The following YTHDF2 variants were observed in gnomAD, a reference collection of about 807,000 sequenced individuals.
YTHDF2 encodes YTH domain-containing family protein 2.
YTHDF2 carries 2 observed loss-of-function variants against 50.4 expected under a neutral mutation model. That is an observed-to-expected ratio of 0.04 (90% CI 0.02 to 0.12). YTHDF2 has a LOEUF of 0.12. Ranked by LOEUF, YTHDF2 falls within the 10% of genes least tolerant of loss-of-function variation. The pLI is 1.00. For missense variants in YTHDF2, 483 were observed against 722.6 expected (o/e 0.67, Z 3.80); for synonymous variants, 217 against 255.6 (o/e 0.85, Z 1.44).
At position 28,766,931 on chromosome 1, in the gene YTHDF2, T is replaced by G. The variant is rs551122639; in HGVS notation, c.1717-1998T>G. Reference sequence around the variant, plus strand: ...CACTACAGCCTTGACCTCCTGTGCTTAAGCCATCCTCCCAGCTCACCCCCC... The same window carrying G: ...CACTACAGCCTTGACCTCCTGTGCTGAAGCCATCCTCCCAGCTCACCCCCC... On this transcript the variant is annotated intron_variant, in intron 4 of 4. Transcript: ENST00000373812. Among the ~76,000 whole-genome samples, 4 of 151,564 alleles carry G rather than the reference T, an allele frequency of 2.6e-5. No individual in the cohort carries two copies. In the East Asian group the frequency reaches 5.8e-4, roughly 22 times the overall value.
At chr1:28,740,835 C>T (rs2124627605) in intron 3 of YTHDF2, among the ~76,000 whole-genome samples, 1 of 151,940 alleles carries the variant, frequency 6.6e-6, no homozygotes, top group Non-Finnish European at 1.5e-5. Context: ...TCCCGAGTAG[C>T]TGGGACTACA....
Position 28,737,422 on chromosome 1 carries a change from A to G in YTHDF2, c.28-236A>G, listed in dbSNP as rs562377592. The G allele has an allele frequency of 1.7e-4, 109 of 631,540 alleles. 1 individual carries two copies. In the South Asian group the frequency reaches 2.2e-3, roughly 12 times the overall value. The allele number at this position is 631,540 out of a possible 1,614,324, so 39.1% of individuals were successfully genotyped here. A position where few individuals can be genotyped will look rare whatever the true frequency, so the allele number is the denominator to read the frequency against. On this transcript the variant is annotated intron_variant, in intron 1 of 4. Coordinates refer to ENST00000373812, the MANE Select transcript of YTHDF2 (RefSeq NM_016258.3). ...CTTCCTTGTTTCCTTCCCCTTCCTT[A>G]AAGCCCTGGGTTCCTCGCGTCGCCG...
intron 4 of YTHDF2, among the ~76,000 whole-genome samples, chr1:28,753,758 G>A (rs2087994527): frequency 6.7e-6 from 1 of 149,898 alleles, no homozygotes; most frequent in African/African-American, 2.5e-5. Flanking sequence ...CCAGGCTGGA[G>A]TGCAATGGCG....
chr1:28,737,867 CAAG>C (rs1356124970), intron 2 of YTHDF2, 185 bp downstream of exon 2: 3 of 647,670 alleles, frequency 4.6e-6, no homozygotes, highest in Non-Finnish European at 7.8e-6. Flanking sequence ...TTTTCGCTAA[CAAG>C]GAGTAATTCA....
chr1:28,737,695 C>T lies in YTHDF2; in HGVS notation c.52+13C>T. 4.3e-6 allele frequency: 7 copies of T among 1,613,478 alleles called. No individual in the cohort carries two copies. Among genetic ancestry groups the T allele is most frequent in the Non-Finnish European group, 5.9e-6 (7 of 1,179,796 alleles). ...CAAGGAAACAAAGGTAAGTCCCGCT[C>T]CGCCGGTGGCCCTGAGCCGGGAGGG... On this transcript the variant is annotated intron_variant, in intron 2 of 4. Coordinates refer to ENST00000373812, the MANE Select transcript of YTHDF2 (RefSeq NM_016258.3).
chr1:28,760,621 G>A (rs530490700), intron 4 of YTHDF2, among the ~76,000 whole-genome samples: 32 of 151,114 alleles, frequency 2.1e-4, no homozygotes, highest in South Asian at 6.3e-4. Context: ...TCTGTTGCCC[G>A]GGCTGGAGTA....
chr1:28,766,263 G>T (rs1442843641), intron 4 of YTHDF2, among the ~76,000 whole-genome samples: 1 of 92,068 alleles, frequency 1.1e-5, no homozygotes, highest in Non-Finnish European at 2.3e-5. Context: ...AGATAATTTT[G>T]TGTGTGTGTA....
chr1:28,766,677 A>C (rs2088223424), intron 4 of YTHDF2, among the ~76,000 whole-genome samples: 1 of 151,998 alleles, frequency 6.6e-6, no homozygotes, highest in African/African-American at 2.4e-5. Flanking sequence ...TAGCATTGAT[A>C]ATTCTTGCTT....
rs1356948742 is a variant in YTHDF2, at chr1:28,737,119, C to T, written c.-2C>T. 2.5e-6 allele frequency: 4 copies of T among 1,598,728 alleles called. No individual in the cohort carries two copies. The highest frequency in any genetic ancestry group is 2.2e-5 in the South Asian group (2 of 89,012). ...GTCGCCGCCCGTGAGGATCTGAGAG[C>T]CATGTCGGCCAGCAGCCTCTTGGAG... On this transcript the variant is annotated 5_prime_UTR_variant, in exon 1 of 5. Coordinates refer to ENST00000373812, the MANE Select transcript of YTHDF2 (RefSeq NM_016258.3).
intron 4 of YTHDF2, among the ~76,000 whole-genome samples, chr1:28,760,880 G>A (rs1050281141): frequency 1.3e-4 from 19 of 151,926 alleles, no homozygotes; most frequent in Non-Finnish European, 2.4e-4. Context: ...GCGCCTGGCC[G>A]AATTTGTTAT....
At chr1:28,762,029 T>C (rs888841168) in intron 4 of YTHDF2, among the ~76,000 whole-genome samples, 1 of 152,180 alleles carries the variant, frequency 6.6e-6, no homozygotes, top group Non-Finnish European at 1.5e-5. Context: ...TTGGAGACTA[T>C]AAAGGTTGAT....
chr1:28,754,247 G>T (rs1360357888), intron 4 of YTHDF2, among the ~76,000 whole-genome samples: 1 of 152,208 alleles, frequency 6.6e-6, no homozygotes, highest in Non-Finnish European at 1.5e-5. Context: ...CATCTATGAG[G>T]CTGGGTGAGT....
At chr1:28,755,990 G>A (rs1177013070) in intron 4 of YTHDF2, among the ~76,000 whole-genome samples, 1 of 152,202 alleles carries the variant, frequency 6.6e-6, no homozygotes, top group African/African-American at 2.4e-5. Context: ...AGAGGTAACA[G>A]ATGACTGCAG....
intron 4 of YTHDF2, among the ~76,000 whole-genome samples, chr1:28,763,873 T>G (rs1308427306): frequency 6.7e-6 from 1 of 150,300 alleles, no homozygotes; most frequent in East Asian, 1.9e-4. Flanking sequence ...CAACTTTTGT[T>G]TTTTTTTTTC....
intron 4 of YTHDF2, among the ~76,000 whole-genome samples, chr1:28,765,064 T>C (rs903661708): frequency 2.6e-5 from 4 of 152,018 alleles, no homozygotes; most frequent in African/African-American, 9.7e-5. Flanking sequence ...CTTCACCTGT[T>C]ACCCAGGCTG....
At position 28,764,447 on chromosome 1, in the gene YTHDF2, TG is replaced by T. The variant is rs1234306503; in HGVS notation, c.1717-4481del. Among the ~76,000 whole-genome samples the T allele has an allele frequency of 2.5e-3, 375 of 151,738 alleles. 2 individuals carry two copies. Among genetic ancestry groups the T allele is most frequent in the African/African-American group, 8.0e-3 (333 of 41,378 alleles). ...CACCACGCCCGGCTAATTTTTTTTT[TG>T]TTTTTTTTAGTAGTGGGGGTTTCAC... On this transcript the variant is annotated intron_variant, in intron 4 of 4. Coordinates refer to ENST00000373812, the MANE Select transcript of YTHDF2 (RefSeq NM_016258.3).
intron 4 of YTHDF2, among the ~76,000 whole-genome samples, chr1:28,764,143 G>C (rs1570481375): frequency 1.3e-5 from 2 of 151,154 alleles, no homozygotes; most frequent in East Asian, 3.9e-4. Flanking sequence ...AGAGACGGGG[G>C]TTTCTCCATG....
intron 4 of YTHDF2, among the ~76,000 whole-genome samples, chr1:28,745,934 G>A (rs1360486050): frequency 6.6e-6 from 1 of 152,118 alleles, no homozygotes; most frequent in Non-Finnish European, 1.5e-5. Context: ...AGCTACTTTG[G>A]AGGCTGAGGA....
Position 28,769,715 on chromosome 1 carries a change from C to G in YTHDF2, c.*763C>G, listed in dbSNP as rs1358558870. 1 of 152,610 alleles carries G rather than the reference C, an allele frequency of 6.6e-6. No homozygotes were observed. Among genetic ancestry groups the G allele is most frequent in the Non-Finnish European group, 1.5e-5 (1 of 68,028 alleles). The allele number at this position is 152,610 out of a possible 1,614,324, so 9.5% of individuals were successfully genotyped here. A position where few individuals can be genotyped will look rare whatever the true frequency, so the allele number is the denominator to read the frequency against. On this transcript the variant is annotated 3_prime_UTR_variant, in exon 5 of 5. Coordinates refer to ENST00000373812, the MANE Select transcript of YTHDF2 (RefSeq NM_016258.3). ...TCTTGTTCAGCCAATGAGGAAAGGG[C>G]ATTGCCTTTCTTTTTACCATTAATC...
Sources: allele counts gnomAD v4.1 joint callset (sites outside exome capture counted in the v4.1 genomes callset), GRCh38; gene constraint gnomAD v4.1.1; transcripts MANE v1.5; gene names NCBI Gene and HGNC (gene_info 2026-07-23, HGNC 2026-07-21).